The following NCKAP5 variants were observed in gnomAD, a reference collection of about 807,000 sequenced individuals.
NCKAP5 encodes NCK associated protein 5, also known as nck-associated protein 5.
In NCKAP5, 92 loss-of-function variants were observed where a neutral mutation model predicts 167.0. That is an observed-to-expected ratio of 0.55 (90% confidence interval 0.47 to 0.66). NCKAP5 has a LOEUF of 0.66. Ranked by LOEUF, NCKAP5 falls within the 30% of genes least tolerant of loss-of-function variation. The probability of loss-of-function intolerance (pLI) is 0.00; values close to 1 mark genes in which losing one functional copy is unlikely to be tolerated. For missense variants in NCKAP5, 2,378 were observed against 2,315.0 expected (o/e 1.03, Z -0.56); for synonymous variants, 891 against 877.4 (o/e 1.02, Z -0.27).
chr2:133,382,886 C>T (rs1274805582), intron 3 of NCKAP5, among the ~76,000 whole-genome samples: 1 of 152,042 alleles, frequency 6.6e-6, no homozygotes, highest in African/African-American at 2.4e-5. Context: ...TCATTTTGTC[C>T]TCAGTGTCTT....
chr2:133,330,572 A>G (rs919311601), intron 3 of NCKAP5, among the ~76,000 whole-genome samples: 3 of 152,074 alleles, frequency 2.0e-5, no homozygotes, highest in Non-Finnish European at 4.4e-5. Flanking sequence ...AACTTTCTGC[A>G]TCATATGGTA....
At chr2:133,364,925 A>G (rs902874295) in intron 3 of NCKAP5, among the ~76,000 whole-genome samples, 1 of 151,656 alleles carries the variant, frequency 6.6e-6, no homozygotes, top group African/African-American at 2.4e-5. Flanking sequence ...TAATTTTTAA[A>G]CTTTTTGTAG....
chr2:133,088,969 AT>A (rs2081083918), intron 6 of NCKAP5, among the ~76,000 whole-genome samples: 1 of 152,230 alleles, frequency 6.6e-6, no homozygotes, highest in Non-Finnish European at 1.5e-5. Context: ...GACCAGACTT[AT>A]CTGTATATAG....
chr2:133,483,627 A>AG (rs35250511), intron 3 of NCKAP5, among the ~76,000 whole-genome samples: 10,168 of 140,426 alleles, frequency 0.072, 375 homozygotes, highest in South Asian at 0.16. Flanking sequence ...GCAAAAAAAA[A>AG]GGGGGGGGGG....
intron 16 of NCKAP5, among the ~76,000 whole-genome samples, chr2:132,748,550 G>A (rs1259681454): frequency 1.3e-5 from 2 of 152,162 alleles, no homozygotes; most frequent in Non-Finnish European, 2.9e-5. Flanking sequence ...TTAGGGACAT[G>A]AGCACATATG....
At chr2:132,803,059 A>G (rs1574273300) in intron 11 of NCKAP5, among the ~76,000 whole-genome samples, 1 of 152,352 alleles carries the variant, frequency 6.6e-6, no homozygotes, top group South Asian at 2.1e-4. Context: ...TGAGACCAGG[A>G]CAAAATCTTT....
chr2:133,496,782 G>A lies in NCKAP5; in HGVS notation c.69+20676C>T, dbSNP rs183853214. On this transcript the variant is annotated intron_variant, in intron 3 of 19. Transcript: ENST00000409261. ...GTACTGGGAAAATTGGCATCTATTC[G>A]GAAAAACTTGACCACCTATGAGAGC... Among the ~76,000 whole-genome samples the A allele has an allele frequency of 8.5e-5, 13 of 152,166 alleles. No individual in the cohort carries two copies. The East Asian group carries it at 1.9e-3, about 23-fold the overall frequency.
At chr2:133,255,279 T>C (rs1401434257) in intron 4 of NCKAP5, among the ~76,000 whole-genome samples, 1 of 152,234 alleles carries the variant, frequency 6.6e-6, no homozygotes, top group Non-Finnish European at 1.5e-5. Flanking sequence ...ATAAATGTTC[T>C]TATAAATACT....
chr2:133,213,365 T>C (rs1389539165), intron 5 of NCKAP5, among the ~76,000 whole-genome samples: 1 of 152,192 alleles, frequency 6.6e-6, no homozygotes, highest in African/African-American at 2.4e-5. Context: ...ATGGCTGTTG[T>C]TTGTTTTTTA....
intron 16 of NCKAP5, among the ~76,000 whole-genome samples, chr2:132,748,675 G>A (rs561088858): frequency 2.4e-4 from 37 of 152,036 alleles, no homozygotes; most frequent in African/African-American, 8.9e-4. Flanking sequence ...ATTCCATTAT[G>A]TTGCTAGGAT....
chr2:132,790,345 T>C, intron 12 of NCKAP5, 140 bp from the exon 13 acceptor site: 1 of 739,856 alleles, frequency 1.4e-6, no homozygotes, highest in Non-Finnish European at 2.2e-6. Context: ...CCATGGTAAC[T>C]GGAAAATCAG....
At chr2:133,350,829 C>T (rs1243025283) in intron 3 of NCKAP5, among the ~76,000 whole-genome samples, 1 of 152,078 alleles carries the variant, frequency 6.6e-6, no homozygotes, top group Non-Finnish European at 1.5e-5. Context: ...AAGACCTTTG[C>T]ACATGTTGTT....
In NCKAP5 at chr2:133,547,108, AG is replaced by A. The variant is rs1686770732; in HGVS notation, c.-62+11941del. Among the ~76,000 whole-genome samples the A allele has an allele frequency of 5.3e-5, 8 of 152,184 alleles. No homozygotes were observed. The South Asian group carries it at 1.7e-3, about 32-fold the overall frequency. ...GGAGTTCCCTTTCCAAGGCAAAGAA[AG>A]GGGTGACGGACGCACCTGGAAAATT... On this transcript the variant is annotated intron_variant, in intron 2 of 19. Coordinates refer to ENST00000409261, the MANE Select transcript of NCKAP5 (RefSeq NM_207363.3).
intron 16 of NCKAP5, among the ~76,000 whole-genome samples, chr2:132,733,426 C>A: frequency 6.6e-6 from 1 of 152,154 alleles, no homozygotes. Flanking sequence ...GTGGTGTGAT[C>A]TCCGCCTATG....
At chr2:133,482,303 C>T (rs911567760) in intron 3 of NCKAP5, among the ~76,000 whole-genome samples, 1 of 149,730 alleles carries the variant, frequency 6.7e-6, no homozygotes, top group Non-Finnish European at 1.5e-5. Context: ...CTGCAACCTC[C>T]ACCTCTTGGG....
intron 2 of NCKAP5, among the ~76,000 whole-genome samples, chr2:133,550,707 T>C (rs1437712561): frequency 7.9e-6 from 1 of 127,278 alleles, no homozygotes; most frequent in African/African-American, 3.0e-5. Context: ...ATGCCCTCTC[T>C]CACCACTCCT....
At chr2:133,102,722 T>C (rs1375047505) in intron 6 of NCKAP5, among the ~76,000 whole-genome samples, 1 of 148,070 alleles carries the variant, frequency 6.8e-6, no homozygotes, top group Non-Finnish European at 1.5e-5. Context: ...CATTCTTAAC[T>C]GACAGGTTAG....
the NCKAP5 span, among the ~76,000 whole-genome samples, chr2:133,611,809 G>A: frequency 6.6e-6 from 1 of 152,118 alleles, no homozygotes; most frequent in Non-Finnish European, 1.5e-5. Context: ...GTTTTCAAGT[G>A]ACGAATCTTC....
At chr2:132,788,112 T>G (rs939002677) in intron 13 of NCKAP5, among the ~76,000 whole-genome samples, 1 of 152,144 alleles carries the variant, frequency 6.6e-6, no homozygotes, top group East Asian at 1.9e-4. Context: ...TAGGCCAATC[T>G]TGAAGCTTGG....
Sources: allele counts gnomAD v4.1 joint callset (sites outside exome capture counted in the v4.1 genomes callset), GRCh38; gene constraint gnomAD v4.1.1; transcripts MANE v1.5; gene names NCBI Gene and HGNC (gene_info 2026-07-23, HGNC 2026-07-21).